The following PPP4R4 variants were observed in gnomAD, a reference collection of about 807,000 sequenced individuals.
The protein encoded by PPP4R4 is protein phosphatase 4 regulatory subunit 4, also known as serine/threonine-protein phosphatase 4 regulatory subunit 4.
PPP4R4 carries 70 observed loss-of-function variants against 121.8 expected under a neutral mutation model. The ratio of observed to expected loss-of-function variants is 0.57; its 90% CI spans 0.47 to 0.70. PPP4R4 has a LOEUF of 0.70. Among genes scored for constraint, PPP4R4 ranks in the 30% least tolerant of loss-of-function variants. The pLI, the probability that PPP4R4 is intolerant of heterozygous loss-of-function variation, is 0.00. For synonymous variants in PPP4R4, 348 were observed against 355.7 expected (o/e 0.98, Z 0.24); for missense variants, 875 against 1,033.6 (o/e 0.85, Z 2.10).
intron 2 of PPP4R4, among the ~76,000 whole-genome samples, chr14:94,191,258 C>T (rs1342988897): frequency 6.6e-6 from 1 of 151,912 alleles, no homozygotes; most frequent in Non-Finnish European, 1.5e-5. Context: ...TAAACTGTAT[C>T]CTAAGGAATC....
chr14:94,242,278 A>G lies in PPP4R4; in HGVS notation c.1147-11A>G. 1.2e-6 allele frequency: 2 copies of G among 1,609,964 alleles called. No individual in the cohort carries two copies. The highest frequency in any genetic ancestry group is 1.7e-6 in the Non-Finnish European group (2 of 1,177,220). ...CCTTCCCACTCATCTCCTCCCTTCC[A>G]CCTCCACCAGGCCATGATTGTTTTT... On this transcript the variant is annotated splice_polypyrimidine_tract_variant and intron_variant, in intron 10 of 24. Coordinates refer to ENST00000304338, the MANE Select transcript of PPP4R4 (RefSeq NM_058237.2).
intron 14 of PPP4R4, 96 bp from the exon 15 acceptor site, chr14:94,250,076 T>C (rs967440280): frequency 3.9e-6 from 3 of 760,768 alleles, no homozygotes; most frequent in Admixed American, 2.0e-5. Flanking sequence ...GTGAACACTT[T>C]AGTTTTGTCA....
chr14:94,227,514 C>G (rs1268519143), intron 3 of PPP4R4: 1 of 1,330,206 alleles, frequency 7.5e-7, no homozygotes. Context: ...GAAGTCAGCA[C>G]AACAAGAGAA....
At chr14:94,272,274 C>T (rs963960584) in intron 23 of PPP4R4, among the ~76,000 whole-genome samples, 27 of 152,054 alleles carry the variant, frequency 1.8e-4, no homozygotes, top group African/African-American at 6.0e-4. Context: ...AAAGCTACAG[C>T]GATCAAGACA....
At chr14:94,212,454 T>C (rs1890793725) in intron 3 of PPP4R4, among the ~76,000 whole-genome samples, 1 of 152,130 alleles carries the variant, frequency 6.6e-6, no homozygotes, top group Admixed American at 6.5e-5. Context: ...ATTTTCTAAA[T>C]TGTGTGCTAA....
At chr14:94,259,557 T>TA (rs1307312824) in intron 19 of PPP4R4, among the ~76,000 whole-genome samples, 188 bp downstream of exon 19, 1 of 152,196 alleles carries the variant, frequency 6.6e-6, no homozygotes, top group African/African-American at 2.4e-5. Flanking sequence ...GAGAGCCTTT[T>TA]AAAAAAACTA....
chr14:94,174,332 C>T lies in PPP4R4; in HGVS notation c.-134C>T. On this transcript the variant is annotated 5_prime_UTR_variant, in exon 1 of 25. Transcript: ENST00000304338. ...TCGCCGGGCCGTGCTCTTGCTCCCG[C>T]CGCCTGGCAGCCTCACGCTCGGCTC... 6.3e-6 allele frequency: 5 copies of T among 787,424 alleles called. No individual in the cohort carries two copies. In the South Asian group the frequency reaches 1.7e-4, roughly 26 times the overall value. 48.8% of individuals were successfully genotyped at this position (787,424 alleles called of 1,614,324 possible).
At position 94,278,171 on chromosome 14, in the gene PPP4R4, A is replaced by G. The variant is rs145129970; in HGVS notation, c.2598-448A>G. 7.6e-3 allele frequency among the ~76,000 whole-genome samples: 1,155 copies of G among 152,336 alleles called. 16 individuals are homozygous for G. The highest frequency in any genetic ancestry group is 0.026 in the African/African-American group (1,085 of 41,576). On this transcript the variant is annotated intron_variant, in intron 24 of 24. Transcript: ENST00000304338. The stretch of plus-strand genomic sequence containing the variant: ...TCTTAATTTTTGCTTCTCAAATTCT[A>G]TGCAATACATTCCCCAGCTTTTCAG...
At chr14:94,241,729 C>T in intron 9 of PPP4R4, 59 bp from the exon 10 acceptor site, 2 of 1,297,156 alleles carry the variant, frequency 1.5e-6, no homozygotes, top group Non-Finnish European at 1.1e-6. Context: ...CTTTGATTTT[C>T]CCTTTTTAAA....
intron 12 of PPP4R4, among the ~76,000 whole-genome samples, chr14:94,245,154 G>A (rs1259316886): frequency 1.3e-5 from 2 of 151,940 alleles, no homozygotes; most frequent in African/African-American, 4.8e-5. Flanking sequence ...TACTTATGAA[G>A]ACTTTGAAAT....
chr14:94,215,557 A>G (rs1353023512), intron 3 of PPP4R4, among the ~76,000 whole-genome samples: 1 of 152,206 alleles, frequency 6.6e-6, no homozygotes, highest in African/African-American at 2.4e-5. Context: ...ATAGGAAGGA[A>G]TGTAAATAAG....
At chr14:94,271,437 G>A (rs942462203) in intron 23 of PPP4R4, among the ~76,000 whole-genome samples, 1 of 152,066 alleles carries the variant, frequency 6.6e-6, no homozygotes, top group Non-Finnish European at 1.5e-5. Context: ...AATACATGAA[G>A]AAAAGACATT....
chr14:94,244,294 C>G (rs542945736), intron 11 of PPP4R4, among the ~76,000 whole-genome samples: 1 of 152,290 alleles, frequency 6.6e-6, no homozygotes, highest in African/African-American at 2.4e-5. Flanking sequence ...CTAGGATATC[C>G]TTTAAGACCC....
In PPP4R4 at chr14:94,279,583, A is replaced by G. The variant is rs1894820904; in HGVS notation, c.*940A>G. The G allele has an allele frequency of 6.6e-6, 1 of 152,614 alleles. No homozygotes were observed. Among genetic ancestry groups the G allele is most frequent in the African/African-American group, 2.4e-5 (1 of 41,460 alleles). The allele number at this position is 152,614 out of a possible 1,614,324, so 9.5% of individuals were successfully genotyped here. A position where few individuals can be genotyped will look rare whatever the true frequency, so the allele number is the denominator to read the frequency against. On this transcript the variant is annotated 3_prime_UTR_variant, in exon 25 of 25. Transcript: ENST00000304338. ...TTCAAAATGCAATCAGCATATAACTATATTGATATTAGAAGATATTTGTTT... is the reference window on the plus strand; with the variant it reads ...TTCAAAATGCAATCAGCATATAACTGTATTGATATTAGAAGATATTTGTTT...
chr14:94,228,510 G>A (rs1292183240), intron 3 of PPP4R4, among the ~76,000 whole-genome samples: 2 of 152,190 alleles, frequency 1.3e-5, no homozygotes, highest in Admixed American at 1.3e-4. Context: ...TTATGGAGAT[G>A]TTAGGGTAGA....
chr14:94,180,319 T>A (rs1888906926), intron 2 of PPP4R4, among the ~76,000 whole-genome samples: 1 of 152,224 alleles, frequency 6.6e-6, no homozygotes, highest in African/African-American at 2.4e-5. Context: ...CTAATAGTAT[T>A]TATCAGAAAT....
At chr14:94,239,852 A>G (rs986928094) in intron 8 of PPP4R4, among the ~76,000 whole-genome samples, 1 of 152,170 alleles carries the variant, frequency 6.6e-6, no homozygotes, top group African/African-American at 2.4e-5. Context: ...GAGACCATTT[A>G]TTATTCATAT....
At chr14:94,222,373 G>T (rs537854780) in intron 3 of PPP4R4, among the ~76,000 whole-genome samples, 2 of 151,594 alleles carry the variant, frequency 1.3e-5, no homozygotes, top group South Asian at 2.1e-4. Flanking sequence ...TATCAAAGTC[G>T]AATTTCATTG....
At chr14:94,180,472 C>G (rs973976425) in intron 2 of PPP4R4, among the ~76,000 whole-genome samples, 2 of 152,040 alleles carry the variant, frequency 1.3e-5, no homozygotes, top group South Asian at 2.1e-4. Flanking sequence ...TGTACTGAGA[C>G]TAGCTTTTAT....
Sources: gnomAD v4.1 joint callset for allele counts (sites outside exome capture counted in the v4.1 genomes callset) on GRCh38, gnomAD v4.1.1 for gene constraint, MANE v1.5 for transcripts, NCBI Gene and HGNC (gene_info 2026-07-23, HGNC 2026-07-21) for gene names.